The following SMYD3 variants were observed in gnomAD, a reference collection of about 807,000 sequenced individuals.
The protein encoded by SMYD3 is SET and MYND domain containing 3, also known as histone-lysine N-methyltransferase SMYD3.
SMYD3 carries 36 observed loss-of-function variants against 57.7 expected under a neutral mutation model. The ratio of observed to expected loss-of-function variants is 0.62; its 90% CI spans 0.48 to 0.82. The LOEUF is 0.82. Ranked by LOEUF, SMYD3 falls within the 40% of genes least tolerant of loss-of-function variation. The pLI, the probability that SMYD3 is intolerant of heterozygous loss-of-function variation, is 0.00. For synonymous variants in SMYD3, 211 were observed against 195.0 expected (o/e 1.08, Z -0.68); for missense variants, 515 against 538.8 (o/e 0.96, Z 0.44).
chr1:246,340,714 A>G (rs1230373281), intron 2 of SMYD3, among the ~76,000 whole-genome samples: 1 of 152,190 alleles, frequency 6.6e-6, no homozygotes, highest in Admixed American at 6.5e-5. Context: ...TTATTCATAA[A>G]GTAATTTATT....
intron 5 of SMYD3, among the ~76,000 whole-genome samples, chr1:246,079,721 T>C (rs1043260076): frequency 6.6e-6 from 1 of 152,088 alleles, no homozygotes; most frequent in Non-Finnish European, 1.5e-5. Context: ...TGGTCTCCAA[T>C]GCAAAAACAA....
chr1:245,974,173 A>C (rs1274626166), intron 5 of SMYD3, among the ~76,000 whole-genome samples: 1 of 152,138 alleles, frequency 6.6e-6, no homozygotes, highest in African/African-American at 2.4e-5. Flanking sequence ...ACACTTGTGT[A>C]CTGGAAGATG....
At chr1:246,475,549 G>A (rs1220521037) in intron 1 of SMYD3, among the ~76,000 whole-genome samples, 1 of 151,774 alleles carries the variant, frequency 6.6e-6, no homozygotes, top group East Asian at 2.0e-4. Context: ...GGGAAACTGA[G>A]GCAAGAGGAT....
At chr1:245,929,293 A>G (rs1190763794) in intron 6 of SMYD3, among the ~76,000 whole-genome samples, 1 of 152,236 alleles carries the variant, frequency 6.6e-6, no homozygotes, top group East Asian at 1.9e-4. Context: ...GAAAGTCTAA[A>G]TTTGTATTTG....
chr1:245,949,269 G>GT (rs895873606), intron 5 of SMYD3, among the ~76,000 whole-genome samples: 7 of 152,138 alleles, frequency 4.6e-5, no homozygotes, highest in African/African-American at 1.7e-4. Context: ...GTGGATGCCA[G>GT]TGTACACAGC....
intron 10 of SMYD3, among the ~76,000 whole-genome samples, chr1:245,821,863 G>A (rs1435165112): frequency 2.7e-5 from 4 of 150,432 alleles, no homozygotes; most frequent in African/African-American, 9.7e-5. Context: ...TCTCACACCA[G>A]TTAGAATGGC....
At chr1:246,448,715 A>T (rs1322438062) in intron 1 of SMYD3, among the ~76,000 whole-genome samples, 4 of 150,214 alleles carry the variant, frequency 2.7e-5, no homozygotes, top group East Asian at 3.9e-4. Flanking sequence ...AAAAAAAAAA[A>T]AAAAAAAAAA....
intron 1 of SMYD3, among the ~76,000 whole-genome samples, chr1:246,444,885 T>A (rs1434608804): frequency 6.6e-6 from 1 of 152,204 alleles, no homozygotes; most frequent in Non-Finnish European, 1.5e-5. Flanking sequence ...AGCTTTAGGA[T>A]ACGCAAATTT....
chr1:246,114,811 T>C (rs896290326), intron 5 of SMYD3, among the ~76,000 whole-genome samples: 10 of 152,204 alleles, frequency 6.6e-5, no homozygotes, highest in African/African-American at 2.4e-4. Context: ...TTTGTATTTT[T>C]AGTAGAGACG....
chr1:245,750,858 A>T (rs1336182568), intron 11 of SMYD3, among the ~76,000 whole-genome samples: 1 of 152,128 alleles, frequency 6.6e-6, no homozygotes, highest in Non-Finnish European at 1.5e-5. Context: ...TGGAAGTGGC[A>T]CTGAGGCTCT....
intron 5 of SMYD3, among the ~76,000 whole-genome samples, chr1:246,101,269 G>A (rs2061011921): frequency 6.6e-6 from 1 of 151,964 alleles, no homozygotes; most frequent in Non-Finnish European, 1.5e-5. Context: ...TAGGGCTAAA[G>A]TCAGAAAACA....
intron 8 of SMYD3, among the ~76,000 whole-genome samples, chr1:245,908,985 G>A (rs2054774859): frequency 6.6e-6 from 1 of 151,834 alleles, no homozygotes; most frequent in African/African-American, 2.4e-5. Flanking sequence ...AAACAAAACA[G>A]AGATTAAAGA....
At chr1:245,804,007 G>T (rs915119332) in intron 10 of SMYD3, among the ~76,000 whole-genome samples, 1 of 149,604 alleles carries the variant, frequency 6.7e-6, no homozygotes, top group African/African-American at 2.5e-5. Flanking sequence ...TCCGCCTCCC[G>T]GGTTCAAGGA....
intron 5 of SMYD3, among the ~76,000 whole-genome samples, chr1:246,301,915 T>C (rs1423574391): frequency 1.3e-5 from 2 of 152,160 alleles, no homozygotes; most frequent in Non-Finnish European, 2.9e-5. Flanking sequence ...GCTGCACTAT[T>C]TCTGTCATCT....
At chr1:246,143,973 G>A (rs902850840) in intron 5 of SMYD3, among the ~76,000 whole-genome samples, 1 of 152,154 alleles carries the variant, frequency 6.6e-6, no homozygotes, top group Non-Finnish European at 1.5e-5. Context: ...CAGCAGCATG[G>A]CTAACCAACA....
intron 5 of SMYD3, among the ~76,000 whole-genome samples, chr1:246,304,464 T>C (rs2064946550): frequency 6.6e-6 from 1 of 152,160 alleles, no homozygotes; most frequent in Admixed American, 6.5e-5. Flanking sequence ...TCTCTGAACA[T>C]TAGTAAATGA....
intron 10 of SMYD3, among the ~76,000 whole-genome samples, chr1:245,844,748 G>A (rs2050578560): frequency 2.0e-3 from 3 of 1,504 alleles, no homozygotes; most frequent in Admixed American, 0.02. Context: ...AAGAACGGAC[G>A]ACCATCACGG....
chr1:246,236,230 A>G (rs1322642248), intron 5 of SMYD3, among the ~76,000 whole-genome samples: 1 of 152,096 alleles, frequency 6.6e-6, no homozygotes, highest in Non-Finnish European at 1.5e-5. Context: ...ATTTATGGAT[A>G]AATGAATGAA....
intron 5 of SMYD3, among the ~76,000 whole-genome samples, chr1:246,121,432 C>CAAAAAAAA (rs10646615): frequency 1.0e-5 from 1 of 100,298 alleles, no homozygotes; most frequent in African/African-American, 3.9e-5. Context: ...TTCCATTTTG[C>CAAAAAAAA]AAAAAAAAAA....
Sources: allele counts gnomAD v4.1 joint callset (sites outside exome capture counted in the v4.1 genomes callset), GRCh38; gene constraint gnomAD v4.1.1; transcripts MANE v1.5; gene names NCBI Gene and HGNC (gene_info 2026-07-23, HGNC 2026-07-21).